MAP3K15: variants seen among roughly 807,000 people sequenced by gnomAD.
MAP3K15 encodes the protein MAPK/ERK kinase kinase 15.
In MAP3K15, 124 loss-of-function variants were observed where a neutral mutation model predicts 99.5. The observed-to-expected ratio is 1.25, with a 90% CI of 1.08 to 1.45. The LOEUF (loss-of-function observed/expected upper bound fraction) is 1.45. MAP3K15 is among the 40% of genes most tolerant of loss of function. The pLI, the probability that MAP3K15 is intolerant of heterozygous loss-of-function variation, is 0.00. For synonymous variants in MAP3K15, 494 were observed against 439.6 expected (o/e 1.12, Z -1.55); for missense variants, 1,242 against 1,079.7 (o/e 1.15, Z -2.11).
intron 6 of MAP3K15, among the ~76,000 whole-genome samples, chrX:19,452,071 A>T (rs1254390425): frequency 0.062 from 1 of 16 alleles, no homozygotes; most frequent in African/African-American, 0.2. Context: ...AAGAGAAGAG[A>T]AGAGAAGAGA....
At chrX:19,398,145 T>A in intron 15 of MAP3K15, 81 bp downstream of exon 15, 1 of 1,078,393 alleles carries the variant, frequency 9.3e-7, no homozygotes, top group Non-Finnish European at 1.2e-6. Context: ...TGCCCTTAAC[T>A]CCTCCACACC....
intron 25 of MAP3K15, among the ~76,000 whole-genome samples, chrX:19,364,378 G>A (rs1473130295): frequency 2.7e-5 from 3 of 111,486 alleles, no homozygotes; most frequent in Non-Finnish European, 5.6e-5. Flanking sequence ...CTTTTGTTGG[G>A]GCTCAGAAAA....
chrX:19,495,168 T>G (rs182584660), intron 1 of MAP3K15, among the ~76,000 whole-genome samples: 1 of 111,618 alleles, frequency 9.0e-6, no homozygotes, highest in Admixed American at 9.5e-5. Flanking sequence ...TGCACCACCA[T>G]GCCTGGCTAA....
At chrX:19,362,230 CT>C (rs1159241316) in intron 26 of MAP3K15, among the ~76,000 whole-genome samples, 129 of 75,661 alleles carry the variant, frequency 1.7e-3, no homozygotes, top group Middle Eastern at 0.015. Context: ...CCTTTTGAAT[CT>C]TTTTTTTTTT....
intron 9 of MAP3K15, among the ~76,000 whole-genome samples, chrX:19,418,560 G>C (rs913219436): frequency 9.0e-6 from 1 of 111,071 alleles, no homozygotes; most frequent in Non-Finnish European, 1.9e-5. Flanking sequence ...ATCTACATCT[G>C]ATTGGTGTAC....
chrX:19,509,528 A>G (rs999130208), intron 1 of MAP3K15, among the ~76,000 whole-genome samples: 3 of 112,055 alleles, frequency 2.7e-5, no homozygotes, highest in Non-Finnish European at 5.6e-5. Flanking sequence ...AGAAATAATG[A>G]TGTTCTTTGA....
rs1236801944 is a variant in MAP3K15 at position 19,398,265 on chromosome X, A to T, written c.2027T>A (p.Val676Glu). Residue 676 changes from valine (V) to glutamate (E), a missense_variant, in exon 15 of 29, where the codon GTG (valine) becomes GAG (glutamate). Val to Glu is a moderately radical substitution (Grantham distance 121). Transcript: ENST00000338883. Reference sequence around the variant, plus strand: ...CGGGATTTCTTTGATGGCTATTCGCACTTGATTGCTCAGATCTCGGCCAGC... The same window carrying T: ...CGGGATTTCTTTGATGGCTATTCGCTCTTGATTGCTCAGATCTCGGCCAGC... The part of the protein sequence containing the change: ...VYAGRDLSNQ[V>E]RIAIKEIPER... 2 of 1,211,303 alleles carry T rather than the reference A, an allele frequency of 1.7e-6. No individual in the cohort carries two copies. Among genetic ancestry groups the T allele is most frequent in the Non-Finnish European group, 2.2e-6 (2 of 895,435 alleles).
chrX:19,400,807 G>A (rs1185162578), intron 13 of MAP3K15, 144 bp from the exon 14 acceptor site: 14 of 422,326 alleles, frequency 3.3e-5, no homozygotes, highest in South Asian at 6.6e-5. Flanking sequence ...TTGATTTGAC[G>A]TGGTACTTTA....
At chrX:19,477,251 GAA>G (rs1052008096) in intron 3 of MAP3K15, among the ~76,000 whole-genome samples, 4 of 111,306 alleles carry the variant, frequency 3.6e-5, no homozygotes, top group South Asian at 3.8e-4. Flanking sequence ...GAGGTGCAGA[GAA>G]AAGTTTTATG....
Position 19,460,158 on chromosome X carries a change from A to G in MAP3K15, c.720-5T>C. On this transcript the variant is annotated splice_polypyrimidine_tract_variant and splice_region_variant and intron_variant, in intron 4 of 28. Coordinates refer to ENST00000338883, the MANE Select transcript of MAP3K15 (RefSeq NM_001001671.4). ...AAGGTTTCTTTGTAATAAACACTAT[A>G]GAAAGAAAAACACAAAATCCTCCAG... The G allele has an allele frequency of 6.0e-6, 7 of 1,166,476 alleles. No homozygotes were observed. The highest frequency in any genetic ancestry group is 8.0e-6 in the Non-Finnish European group (7 of 876,180).
intron 9 of MAP3K15, among the ~76,000 whole-genome samples, chrX:19,419,780 T>C (rs2063767483): frequency 8.9e-6 from 1 of 111,854 alleles, no homozygotes. Flanking sequence ...ATTGACCACA[T>C]AGTTGGAAGT....
At position 19,491,028 on chromosome X, in the gene MAP3K15, C is replaced by T. The variant is rs147731420; in HGVS notation, c.362-2061G>A. On this transcript the variant is annotated intron_variant, in intron 1 of 28. Transcript: ENST00000338883. Reference sequence around the variant, plus strand: ...ACTTCTAGAAAGTCACTCAAAATCCCGATGGGACACAACAGAGGCCAGTTG... The same window carrying T: ...ACTTCTAGAAAGTCACTCAAAATCCTGATGGGACACAACAGAGGCCAGTTG... Among the ~76,000 whole-genome samples the T allele has an allele frequency of 5.3e-3, 590 of 111,077 alleles. 16 individuals carry two copies. Among genetic ancestry groups the T allele is most frequent in the East Asian group, 0.038 (133 of 3,493 alleles).
Position 19,433,627 on chromosome X carries a change from C to T in MAP3K15, c.996-2019G>A, listed in dbSNP as rs1459186945. On this transcript the variant is annotated intron_variant, in intron 6 of 28. Transcript: ENST00000338883. ...AGGCAATTCTCATAATCCATCTCTT[C>T]CTCTAGATCTCTATACATCCTATTG... 2.7e-5 allele frequency among the ~76,000 whole-genome samples: 3 copies of T among 111,098 alleles called. No individual in the cohort carries two copies. In the East Asian group the frequency reaches 8.5e-4, roughly 31 times the overall value.
intron 1 of MAP3K15, among the ~76,000 whole-genome samples, chrX:19,507,177 C>A (rs2064483018): frequency 8.9e-6 from 1 of 111,799 alleles, no homozygotes. Context: ...ACGGTGTACT[C>A]CATGAAGACA....
At chrX:19,417,780 G>T (rs1360676075) in intron 9 of MAP3K15, among the ~76,000 whole-genome samples, 1 of 112,046 alleles carries the variant, frequency 8.9e-6, no homozygotes, top group Non-Finnish European at 1.9e-5. Flanking sequence ...AGCCTAACTG[G>T]GAGGCACCCC....
At chrX:19,429,681 G>C (rs1351669135) in intron 7 of MAP3K15, among the ~76,000 whole-genome samples, 3 of 106,570 alleles carry the variant, frequency 2.8e-5, no homozygotes, top group African/African-American at 1.0e-4. Context: ...CTAGGTGTGA[G>C]AGTGGCTGGG....
At chrX:19,454,989 A>C (rs1168551493) in intron 6 of MAP3K15, among the ~76,000 whole-genome samples, 3 of 111,861 alleles carry the variant, frequency 2.7e-5, no homozygotes, top group African/African-American at 6.5e-5. Flanking sequence ...TGTAATGCAA[A>C]CTCCTACTAT....
chrX:19,476,715 A>G (rs1402973936), intron 3 of MAP3K15, among the ~76,000 whole-genome samples: 2 of 112,303 alleles, frequency 1.8e-5, no homozygotes, highest in African/African-American at 6.5e-5. Context: ...TAATCAGGAT[A>G]CGGTGCCACT....
chrX:19,450,876 G>A (rs2064031713), intron 6 of MAP3K15, among the ~76,000 whole-genome samples: 1 of 46,344 alleles, frequency 2.2e-5, no homozygotes, highest in African/African-American at 6.8e-5. Context: ...AAGATAAGAT[G>A]GTTCATTTAT....
Sources: gnomAD v4.1 joint callset for allele counts (sites outside exome capture counted in the v4.1 genomes callset) on GRCh38, gnomAD v4.1.1 for gene constraint, MANE v1.5 for transcripts, NCBI Gene and HGNC (gene_info 2026-07-23, HGNC 2026-07-21) for gene names.